ERICH3: variants seen among roughly 807,000 people sequenced by gnomAD.
The protein encoded by ERICH3 is glutamate rich 3.
ERICH3 carries 126 observed loss-of-function variants against 131.1 expected under a neutral mutation model. The ratio of observed to expected loss-of-function variants is 0.96; its 90% confidence interval spans 0.83 to 1.11. The LOEUF is 1.11. Among genes scored for constraint, ERICH3 ranks in the 50% most tolerant of loss-of-function variants. ERICH3 has a pLI of 0.00. For synonymous variants in ERICH3, 695 were observed against 644.6 expected, an observed-to-expected ratio of 1.08 and a Z score of -1.18; for missense variants, 2,050 against 1,810.7, an observed-to-expected ratio of 1.13 and a Z score of -2.40.
At chr1:74,580,939 A>G (rs1341443799) in intron 12 of ERICH3, among the ~76,000 whole-genome samples, 1 of 152,136 alleles carries the variant, frequency 6.6e-6, no homozygotes, top group East Asian at 1.9e-4. Flanking sequence ...CCCGCCTGGT[A>G]GTCTCCAATG....
chr1:74,644,338 A>G (rs994769357), intron 3 of ERICH3, among the ~76,000 whole-genome samples: 5 of 152,006 alleles, frequency 3.3e-5, no homozygotes, highest in Non-Finnish European at 2.9e-5. Flanking sequence ...ACATCTACTG[A>G]CTTGCCACTT....
In ERICH3 at chr1:74,589,772, C is replaced by G. The variant is rs1647497404; in HGVS notation, c.2035G>C (p.Glu679Gln). The G allele has an allele frequency of 1.2e-6, 2 of 1,614,010 alleles. No homozygotes were observed. The highest frequency in any genetic ancestry group is 1.7e-6 in the Non-Finnish European group (2 of 1,179,980). Residue 679 changes from glutamate to glutamine, a missense_variant, in exon 12 of 15, where the codon GAG becomes CAG. Coordinates refer to ENST00000326665, the MANE Select transcript of ERICH3 (RefSeq NM_001002912.5). Reference protein sequence around the residue: ...LKEGTEKGTQEIAEGLSEKSG... With the variant: ...LKEGTEKGTQQIAEGLSEKSG... ...TTCTCAGATAAACCCTCTGCAATCTCTTGGGTTCCTTTCTCCGTTCCTTCT... is the reference window on the plus strand; with the variant it reads ...TTCTCAGATAAACCCTCTGCAATCTGTTGGGTTCCTTTCTCCGTTCCTTCT...
chr1:74,618,212 C>T (rs994375328), intron 8 of ERICH3, among the ~76,000 whole-genome samples: 3 of 152,088 alleles, frequency 2.0e-5, no homozygotes, highest in Non-Finnish European at 4.4e-5. Context: ...CAATGAACTG[C>T]TTCAGTTTTG....
chr1:74,617,912 G>A (rs1016995808), intron 8 of ERICH3, among the ~76,000 whole-genome samples: 3 of 152,126 alleles, frequency 2.0e-5, no homozygotes, highest in Admixed American at 1.3e-4. Flanking sequence ...ATAAGAAACA[G>A]GGCTGAGTGT....
intron 10 of ERICH3, among the ~76,000 whole-genome samples, chr1:74,604,977 A>C (rs1648316122): frequency 6.6e-6 from 1 of 152,070 alleles, no homozygotes; most frequent in African/African-American, 2.4e-5. Context: ...TGAATGTCCT[A>C]GATGGCATCT....
At chr1:74,662,922 G>C (rs1646656535) in intron 1 of ERICH3, among the ~76,000 whole-genome samples, 1 of 152,148 alleles carries the variant, frequency 6.6e-6, no homozygotes, top group Admixed American at 6.5e-5. Context: ...AGGCTAAGGT[G>C]GGATAATTGC....
chr1:74,641,918 A>G (rs149654223), intron 4 of ERICH3, among the ~76,000 whole-genome samples: 296 of 152,296 alleles, frequency 1.9e-3, no homozygotes, highest in Non-Finnish European at 2.9e-3. Flanking sequence ...GCACAAGGGT[A>G]GCAAATCTCT....
intron 1 of ERICH3, among the ~76,000 whole-genome samples, chr1:74,651,697 GTTTTTTCTTAAAAAAATCAA>G (rs1216260248): frequency 2.0e-5 from 3 of 151,964 alleles, no homozygotes; most frequent in Non-Finnish European, 4.4e-5. Flanking sequence ...TCAGGCTCAA[GTTTTTTCTTAAAAAAATCAA>G]TAATTTTGGA....
intron 5 of ERICH3, among the ~76,000 whole-genome samples, chr1:74,640,803 G>A (rs1447486617): frequency 6.6e-6 from 1 of 152,092 alleles, no homozygotes; most frequent in Non-Finnish European, 1.5e-5. Flanking sequence ...AAGCTCAAAT[G>A]TTAGTATTTA....
chr1:74,631,253 A>G (rs933434930), intron 7 of ERICH3, among the ~76,000 whole-genome samples: 25 of 152,178 alleles, frequency 1.6e-4, no homozygotes, highest in African/African-American at 5.3e-4. Context: ...GGAAATCAGT[A>G]CAACAAACTG....
chr1:74,629,590 A>T (rs1246612321), intron 7 of ERICH3, among the ~76,000 whole-genome samples: 1 of 152,110 alleles, frequency 6.6e-6, no homozygotes, highest in African/African-American at 2.4e-5. Context: ...CTCCATGCCC[A>T]GCTACAGAAG....
chr1:74,640,580 A>G (rs1342674083), intron 5 of ERICH3, among the ~76,000 whole-genome samples: 1 of 152,176 alleles, frequency 6.6e-6, no homozygotes, highest in Non-Finnish European at 1.5e-5. Context: ...TTTATTTACA[A>G]CTTAAACCAT....
chr1:74,659,480 G>A (rs777034538), intron 1 of ERICH3, among the ~76,000 whole-genome samples: 3 of 152,206 alleles, frequency 2.0e-5, no homozygotes, highest in Admixed American at 6.5e-5. Context: ...AGACACAAAG[G>A]AGATTAGAGT....
At chr1:74,607,548 A>G (rs999877482) in intron 9 of ERICH3, among the ~76,000 whole-genome samples, 6 of 151,952 alleles carry the variant, frequency 3.9e-5, no homozygotes, top group African/African-American at 1.4e-4. Context: ...ACTTATTTTC[A>G]TAGAACTGTC....
At position 74,606,591 on chromosome 1, in the gene ERICH3, T is replaced by G; in HGVS notation, c.1489+10A>C. On this transcript the variant is annotated intron_variant, in intron 10 of 14. Coordinates refer to ENST00000326665, the MANE Select transcript of ERICH3 (RefSeq NM_001002912.5). ...CAGCTACAACAAAAGAAACTTGTGT[T>G]GTTGATTACCATATTTTAAAGTATT... 9 of 1,583,582 alleles carry G rather than the reference T, an allele frequency of 5.7e-6. No homozygotes were observed. In the South Asian group the frequency reaches 1.0e-4, roughly 18 times the overall value.
intron 7 of ERICH3, chr1:74,625,928 G>A (rs1481014747): frequency 4.6e-5 from 7 of 152,086 alleles, no homozygotes; most frequent in Admixed American, 4.6e-4. Flanking sequence ...TGGATGCTGG[G>A]CATTTGAAAG....
At chr1:74,663,220 C>A (rs1646659035) in intron 1 of ERICH3, among the ~76,000 whole-genome samples, 1 of 152,096 alleles carries the variant, frequency 6.6e-6, no homozygotes, top group Non-Finnish European at 1.5e-5. Flanking sequence ...GTGTCAGGCC[C>A]TGTGCTACAT....
chr1:74,602,042 G>A (rs186466227), intron 10 of ERICH3, among the ~76,000 whole-genome samples: 26 of 151,904 alleles, frequency 1.7e-4, no homozygotes, highest in Admixed American at 1.4e-3. Context: ...AATCACACAC[G>A]ATATGTACTC....
At chr1:74,603,938 C>G (rs1648267280) in intron 10 of ERICH3, among the ~76,000 whole-genome samples, 1 of 151,750 alleles carries the variant, frequency 6.6e-6, no homozygotes, top group South Asian at 2.1e-4. Context: ...AATAAGACAA[C>G]AATAAAGTTT....
Sources: allele counts gnomAD v4.1 joint callset (sites outside exome capture counted in the v4.1 genomes callset), GRCh38; gene constraint gnomAD v4.1.1; transcripts MANE v1.5; gene names NCBI Gene and HGNC (gene_info 2026-07-23, HGNC 2026-07-21).